The following TAFA5 variants were observed in gnomAD, a reference collection of about 807,000 sequenced individuals.
TAFA5 encodes chemokine-like protein TAFA-5.
Under a neutral mutation model 15.3 loss-of-function variants are expected in TAFA5, and 6 were observed. The observed-to-expected ratio is 0.39, with a 90% CI of 0.21 to 0.77. The LOEUF (loss-of-function observed/expected upper bound fraction) is 0.77, where lower values mean the gene tolerates loss of function less well. Among genes scored for constraint, TAFA5 ranks in the 30% least tolerant of loss-of-function variants. The pLI is 0.41. For missense variants in TAFA5, 161 were observed against 193.1 expected, an observed-to-expected ratio of 0.83 and a Z score of 0.98; for synonymous variants, 103 against 80.7, an observed-to-expected ratio of 1.28 and a Z score of -1.48.
intron 2 of TAFA5, among the ~76,000 whole-genome samples, chr22:48,696,217 C>T (rs368620662): frequency 6.6e-6 from 1 of 152,200 alleles, no homozygotes; most frequent in Admixed American, 6.5e-5. Flanking sequence ...GCCAGCCACC[C>T]GGGCCTGAGC....
rs573859352 is a variant in TAFA5, at chr22:48,707,195, G to A, written c.263-522G>A. Among the ~76,000 whole-genome samples the A allele has an allele frequency of 2.6e-4, 40 of 152,286 alleles. 1 individual carries two copies. The highest frequency in any genetic ancestry group is 9.4e-4 in the African/African-American group (39 of 41,572). ...GGCGGGAGTAGGATGGGGGCCAGGG[G>A]TGGTTGTAAAATCCTCCAGTCAAGG... On this transcript the variant is annotated intron_variant, in intron 2 of 3. Transcript: ENST00000402357.
intron 1 of TAFA5, among the ~76,000 whole-genome samples, chr22:48,601,060 CAG>C (rs966600813): frequency 2.0e-5 from 3 of 152,240 alleles, no homozygotes; most frequent in East Asian, 1.9e-4. Flanking sequence ...CAGATATTTA[CAG>C]AGAGACTCAC....
intron 3 of TAFA5, among the ~76,000 whole-genome samples, chr22:48,717,028 T>C (rs964094913): frequency 2.0e-5 from 3 of 152,028 alleles, no homozygotes; most frequent in African/African-American, 7.3e-5. Flanking sequence ...TCTAAAAATC[T>C]CTCCAGAACT....
intron 3 of TAFA5, among the ~76,000 whole-genome samples, chr22:48,735,586 C>T (rs1268757478): frequency 6.6e-6 from 1 of 152,308 alleles, no homozygotes; most frequent in Middle Eastern, 3.4e-3. Context: ...AATGAAGATC[C>T]GCCAGTCTCT....
intron 3 of TAFA5, among the ~76,000 whole-genome samples, chr22:48,717,796 C>T (rs1024089771): frequency 7.9e-5 from 12 of 152,192 alleles, no homozygotes; most frequent in African/African-American, 2.9e-4. Context: ...GGTGATGGCC[C>T]AGTTGAATTG....
intron 2 of TAFA5, among the ~76,000 whole-genome samples, chr22:48,679,955 C>T (rs527637049): frequency 1.2e-4 from 19 of 152,228 alleles, no homozygotes; most frequent in Admixed American, 2.0e-4. Flanking sequence ...TGGCCTAGGG[C>T]GGACCCCATG....
At chr22:48,554,248 G>A (rs1303640731) in intron 1 of TAFA5, among the ~76,000 whole-genome samples, 2 of 152,004 alleles carry the variant, frequency 1.3e-5, no homozygotes, top group Admixed American at 6.5e-5. Context: ...GAAGTTTGAC[G>A]GGCTAGTTTA....
Position 48,517,868 on chromosome 22 carries a change from G to A in TAFA5, c.112+28164G>A, listed in dbSNP as rs958381318. On this transcript the variant is annotated intron_variant, in intron 1 of 3. Transcript: ENST00000402357. Reference sequence around the variant, plus strand: ...GGCAGGCACGGCCGGGTGGGGGTGAGGTTCTGGCAAAGCCCCCTCTGTTTT... The same window carrying A: ...GGCAGGCACGGCCGGGTGGGGGTGAAGTTCTGGCAAAGCCCCCTCTGTTTT... Among the ~76,000 whole-genome samples, 2 of 152,246 alleles carry A rather than the reference G, an allele frequency of 1.3e-5. 1 individual carries two copies. The highest frequency in any genetic ancestry group is 4.1e-4 in the South Asian group (2 of 4,830).
intron 1 of TAFA5, among the ~76,000 whole-genome samples, chr22:48,614,513 G>A (rs979513326): frequency 1.3e-5 from 2 of 152,194 alleles, no homozygotes; most frequent in African/African-American, 4.8e-5. Context: ...CTAAGTCCCG[G>A]GCAAGGCAGG....
At chr22:48,578,290 A>G (rs934102817) in intron 1 of TAFA5, among the ~76,000 whole-genome samples, 6 of 152,206 alleles carry the variant, frequency 3.9e-5, no homozygotes, top group African/African-American at 1.4e-4. Context: ...GCTCCTGGCC[A>G]TGTGGCCGGC....
chr22:48,563,108 A>G (rs936810607), intron 1 of TAFA5, among the ~76,000 whole-genome samples: 7 of 152,138 alleles, frequency 4.6e-5, no homozygotes, highest in Non-Finnish European at 1.0e-4. Flanking sequence ...TCTGACATTT[A>G]GCAAACAGTG....
intron 1 of TAFA5, among the ~76,000 whole-genome samples, chr22:48,528,153 A>C (rs1334351593): frequency 3.3e-5 from 5 of 152,128 alleles, no homozygotes; most frequent in Non-Finnish European, 7.4e-5. Context: ...GCTGATTCTC[A>C]GTTAAGGACG....
intron 1 of TAFA5, among the ~76,000 whole-genome samples, chr22:48,500,678 G>A (rs1369412291): frequency 1.3e-5 from 2 of 152,246 alleles, no homozygotes; most frequent in Non-Finnish European, 1.5e-5. Flanking sequence ...TGACGACGTG[G>A]CTAATTGGGA....
intron 3 of TAFA5, among the ~76,000 whole-genome samples, chr22:48,712,530 C>G (rs1347003831): frequency 6.6e-6 from 1 of 152,260 alleles, no homozygotes; most frequent in African/African-American, 2.4e-5. Context: ...GGCACACAGG[C>G]TCACATGGGA....
chr22:48,575,199 C>T (rs1256643532), intron 1 of TAFA5, among the ~76,000 whole-genome samples: 1 of 152,062 alleles, frequency 6.6e-6, no homozygotes, highest in Non-Finnish European at 1.5e-5. Context: ...CGCGTCCGGT[C>T]TCCCGCGCCA....
intron 2 of TAFA5, among the ~76,000 whole-genome samples, chr22:48,686,740 G>A (rs1028428089): frequency 5.3e-5 from 8 of 151,832 alleles, no homozygotes; most frequent in South Asian, 2.1e-4. Flanking sequence ...ATGGTGAATC[G>A]ATTTTTGAAT....
At position 48,673,826 on chromosome 22, in the gene TAFA5, C is replaced by G. The variant is rs1927877950; in HGVS notation, c.262+27080C>G. Among the ~76,000 whole-genome samples the G allele has an allele frequency of 3.3e-5, 5 of 152,172 alleles. No individual in the cohort carries two copies. The South Asian group carries it at 1.0e-3, about 32-fold the overall frequency. ...ACAGAGACACCGCCTGCTGACCTGT[C>G]CTGCCAACCCACAGGTTCTTTACAG... On this transcript the variant is annotated intron_variant, in intron 2 of 3. Coordinates refer to ENST00000402357, the MANE Select transcript of TAFA5 (RefSeq NM_001082967.3).
rs984686410 is a variant in TAFA5, at chr22:48,675,760, C to T, written c.262+29014C>T. On this transcript the variant is annotated intron_variant, in intron 2 of 3. Coordinates refer to ENST00000402357, the MANE Select transcript of TAFA5 (RefSeq NM_001082967.3). The stretch of plus-strand genomic sequence containing the variant: ...CCGCCTGCTGGCTGAGGCCTGAGGC[C>T]TCCTGCTCTCTTATTCTTCAAGACC... Among the ~76,000 whole-genome samples, 107 of 152,354 alleles carry T rather than the reference C, an allele frequency of 7.0e-4. 1 individual carries two copies. Among genetic ancestry groups the T allele is most frequent in the Non-Finnish European group, 1.0e-4 (7 of 68,036 alleles).
intron 3 of TAFA5, among the ~76,000 whole-genome samples, chr22:48,746,879 C>G (rs1295489358): frequency 6.6e-6 from 1 of 152,188 alleles, no homozygotes; most frequent in Non-Finnish European, 1.5e-5. Context: ...CCGTCCCACC[C>G]CGGCAGCCAT....
Sources: allele counts gnomAD v4.1 joint callset (sites outside exome capture counted in the v4.1 genomes callset), GRCh38; gene constraint gnomAD v4.1.1; transcripts MANE v1.5; gene names NCBI Gene and HGNC (gene_info 2026-07-23, HGNC 2026-07-21).